AHCYL2: variants seen among roughly 807,000 people sequenced by gnomAD.
AHCYL2 encodes adenosylhomocysteinase like 2.
A neutral mutation model predicts 81.4 loss-of-function variants in AHCYL2; 28 were observed. The observed-to-expected ratio is 0.34, with a 90% CI of 0.25 to 0.47. The LOEUF is 0.47. AHCYL2 is among the 20% of genes least tolerant of loss of function. The probability of loss-of-function intolerance (pLI) is 1.00; values close to 1 mark genes in which losing one functional copy is unlikely to be tolerated. For missense variants in AHCYL2, 551 were observed against 785.1 expected, an observed-to-expected ratio of 0.70 and a Z score of 3.56; for synonymous variants, 272 against 290.2, an observed-to-expected ratio of 0.94 and a Z score of 0.64.
At chr7:129,284,673 G>A (rs751873254) in intron 1 of AHCYL2, among the ~76,000 whole-genome samples, 3 of 151,788 alleles carry the variant, frequency 2.0e-5, no homozygotes, top group Non-Finnish European at 4.4e-5. Context: ...CTCACATATG[G>A]GAGTATGAAG....
At chr7:129,410,399 A>G in intron 11 of AHCYL2, 1 of 1,603,010 alleles carries the variant, frequency 6.2e-7, no homozygotes, top group East Asian at 2.2e-5. Context: ...GGCCAAACCC[A>G]GTGAACTATT....
chr7:129,319,774 T>C (rs1247229476), intron 1 of AHCYL2, among the ~76,000 whole-genome samples: 1 of 152,248 alleles, frequency 6.6e-6, no homozygotes, highest in Non-Finnish European at 1.5e-5. Context: ...CGTTTATAAC[T>C]GAATGGATAT....
At chr7:129,346,386 C>G (rs1414607813) in intron 1 of AHCYL2, among the ~76,000 whole-genome samples, 1 of 151,886 alleles carries the variant, frequency 6.6e-6, no homozygotes, top group South Asian at 2.1e-4. Flanking sequence ...TGCATAAGAC[C>G]TATATGATAA....
chr7:129,228,940 T>C (rs1429017671), intron 1 of AHCYL2, among the ~76,000 whole-genome samples: 1 of 152,206 alleles, frequency 6.6e-6, no homozygotes, highest in Non-Finnish European at 1.5e-5. Flanking sequence ...ATGTTTTGGA[T>C]AAAGACATGG....
chr7:129,399,597 A>C (rs1795925664), intron 5 of AHCYL2, among the ~76,000 whole-genome samples: 1 of 152,172 alleles, frequency 6.6e-6, no homozygotes, highest in Admixed American at 6.5e-5. Context: ...TTTTTTTCTT[A>C]ATAATAGGGT....
At chr7:129,258,228 C>G (rs1584713687) in intron 1 of AHCYL2, among the ~76,000 whole-genome samples, 1 of 126,518 alleles carries the variant, frequency 7.9e-6, no homozygotes, top group Non-Finnish European at 1.8e-5. Context: ...TCACAGTTCT[C>G]AATTTTTTTT....
At chr7:129,385,582 G>A (rs150501310) in intron 2 of AHCYL2, among the ~76,000 whole-genome samples, 2 of 152,250 alleles carry the variant, frequency 1.3e-5, no homozygotes, top group African/African-American at 2.4e-5. Context: ...ACTTTTCTAC[G>A]TAGAAACTGA....
intron 8 of AHCYL2, 62 bp from the exon 9 acceptor site, chr7:129,405,774 A>G: frequency 6.8e-7 from 1 of 1,476,202 alleles, no homozygotes; most frequent in Non-Finnish European, 9.2e-7. Flanking sequence ...AAGAGATTCA[A>G]TCTAACCTCA....
chr7:129,254,182 C>G (rs1405417599), intron 1 of AHCYL2, among the ~76,000 whole-genome samples: 2 of 152,114 alleles, frequency 1.3e-5, no homozygotes, highest in African/African-American at 4.8e-5. Flanking sequence ...CAAGAAATAG[C>G]TTTGGAAGGT....
chr7:129,414,226 C>T (rs983821653), intron 12 of AHCYL2, among the ~76,000 whole-genome samples: 1 of 152,090 alleles, frequency 6.6e-6, no homozygotes, highest in Non-Finnish European at 1.5e-5. Flanking sequence ...ACATGTTTTC[C>T]AAACTGTAGT....
chr7:129,228,580 C>T (rs1225299289), intron 1 of AHCYL2, among the ~76,000 whole-genome samples: 1 of 152,218 alleles, frequency 6.6e-6, no homozygotes, highest in Non-Finnish European at 1.5e-5. Flanking sequence ...GTAAGTTCCA[C>T]AGGGAATGAG....
chr7:129,284,308 G>T (rs1796548589), intron 1 of AHCYL2, among the ~76,000 whole-genome samples: 1 of 151,998 alleles, frequency 6.6e-6, no homozygotes, highest in South Asian at 2.1e-4. Flanking sequence ...AAAAAGCTTG[G>T]AATAATTGGC....
intron 12 of AHCYL2, among the ~76,000 whole-genome samples, chr7:129,417,843 G>A (rs151220689): frequency 1.8e-4 from 27 of 152,238 alleles, no homozygotes; most frequent in Non-Finnish European, 2.6e-4. Context: ...ACAATATCCC[G>A]TCTCTCAGGG....
At chr7:129,279,266 C>T (rs1796340518) in intron 1 of AHCYL2, among the ~76,000 whole-genome samples, 1 of 150,004 alleles carries the variant, frequency 6.7e-6, no homozygotes, top group African/African-American at 2.5e-5. Flanking sequence ...TTTCCTGCCT[C>T]AGCCTCCCGA....
chr7:129,277,406 T>G (rs1796260602), intron 1 of AHCYL2, among the ~76,000 whole-genome samples: 1 of 151,858 alleles, frequency 6.6e-6, no homozygotes, highest in Non-Finnish European at 1.5e-5. Context: ...GCCTCCTGAG[T>G]AGCTGGAATT....
chr7:129,285,694 CTCTTTT>C (rs1796604084), intron 1 of AHCYL2, among the ~76,000 whole-genome samples: 1 of 122,876 alleles, frequency 8.1e-6, no homozygotes, highest in South Asian at 2.8e-4. Flanking sequence ...TTCTCTCTCT[CTCTTTT>C]TTTTTTTTTT....
At position 129,228,568 on chromosome 7, in the gene AHCYL2, A is replaced by G. The variant is rs967499899; in HGVS notation, c.363+3129A>G. Among the ~76,000 whole-genome samples the G allele has an allele frequency of 5.2e-5, 8 of 152,382 alleles. No homozygotes were observed. In the East Asian group the frequency reaches 1.5e-3, roughly 29 times the overall value. Reference sequence around the variant, plus strand: ...ATAAGAAGTAATTTGGGAAATGGGAAGGTAAGTTCCACAGGGAATGAGGTA... The same window carrying G: ...ATAAGAAGTAATTTGGGAAATGGGAGGGTAAGTTCCACAGGGAATGAGGTA... On this transcript the variant is annotated intron_variant, in intron 1 of 16. Coordinates refer to ENST00000325006, the MANE Select transcript of AHCYL2 (RefSeq NM_015328.4).
Position 129,281,615 on chromosome 7 carries a change from G to A in AHCYL2, c.363+56176G>A, listed in dbSNP as rs183137631. On this transcript the variant is annotated intron_variant, in intron 1 of 16. Transcript: ENST00000325006. The stretch of plus-strand genomic sequence containing the variant: ...GGGCTCAAATGATCCTTCTGCCTCA[G>A]CCTCTCAAGTAGCTGGGACTACATG... 6.7e-5 allele frequency among the ~76,000 whole-genome samples: 10 copies of A among 149,378 alleles called. No homozygotes were observed. In the Admixed American group the frequency reaches 6.8e-4, roughly 10 times the overall value.
chr7:129,312,489 G>A (rs1797692290), intron 1 of AHCYL2, among the ~76,000 whole-genome samples: 1 of 152,050 alleles, frequency 6.6e-6, no homozygotes. Flanking sequence ...GCTCACTGCA[G>A]CCTCGAATTT....
Sources: allele counts gnomAD v4.1 joint callset (sites outside exome capture counted in the v4.1 genomes callset), GRCh38; gene constraint gnomAD v4.1.1; transcripts MANE v1.5; gene names NCBI Gene and HGNC (gene_info 2026-07-23, HGNC 2026-07-21).